The following EPHA5 variants were observed in gnomAD, a reference collection of about 807,000 sequenced individuals.
EPHA5 encodes the protein EPH receptor A5.
A neutral mutation model predicts 105.0 loss-of-function variants in EPHA5; 60 were observed. The ratio of observed to expected loss-of-function variants is 0.57; its 90% CI spans 0.46 to 0.71. The LOEUF is 0.71. Among genes scored for constraint, EPHA5 ranks in the 30% least tolerant of loss-of-function variants. The probability of loss-of-function intolerance (pLI) is 0.00; values close to 1 mark genes in which losing one functional copy is unlikely to be tolerated. For synonymous variants in EPHA5, 513 were observed against 449.1 expected, an observed-to-expected ratio of 1.14 and a Z score of -1.80; for missense variants, 1,218 against 1,274.7, an observed-to-expected ratio of 0.96 and a Z score of 0.68.
chr4:65,628,715 ATGGTTATGTC>A (rs1746365483), intron 2 of EPHA5, among the ~76,000 whole-genome samples: 1 of 152,160 alleles, frequency 6.6e-6, no homozygotes, highest in Admixed American at 6.5e-5. Flanking sequence ...GATTATACTC[ATGGTTATGTC>A]TTTAACTGTG....
chr4:65,518,028 T>C (rs1359515672), intron 3 of EPHA5, among the ~76,000 whole-genome samples: 1 of 151,926 alleles, frequency 6.6e-6, no homozygotes, highest in Non-Finnish European at 1.5e-5. Context: ...TCTTACAAAG[T>C]TAAGTGATAG....
chr4:65,592,281 A>C (rs1328215759), intron 3 of EPHA5, among the ~76,000 whole-genome samples: 3 of 152,172 alleles, frequency 2.0e-5, no homozygotes, highest in African/African-American at 7.2e-5. Context: ...CACACAGGGC[A>C]GAAACAAAGG....
rs575423701 is a variant in EPHA5, at chr4:65,612,054, A to C, written c.247-9750T>G. On this transcript the variant is annotated intron_variant, in intron 2 of 16. Transcript: ENST00000613740. ...AAAAAAAAAAAGGAAAGAAAAGAAA[A>C]GAAAAGAAAAGAAAAGAAATTGAGG... Among the ~76,000 whole-genome samples the C allele has an allele frequency of 4.0e-4, 61 of 150,818 alleles. 1 individual carries two copies. The South Asian group carries it at 8.6e-3, about 21-fold the overall frequency.
rs112273225 is a variant in EPHA5, at chr4:65,399,063, C to G, written c.1793+5311G>C. ...TGAGAAGGAGAGAAGAGTGGCAACCCTTTGGGGAGCCCAGACCTATGGGTG... is the reference window on the plus strand; with the variant it reads ...TGAGAAGGAGAGAAGAGTGGCAACCGTTTGGGGAGCCCAGACCTATGGGTG... On this transcript the variant is annotated intron_variant, in intron 8 of 16. Coordinates refer to ENST00000613740, the MANE Select transcript of EPHA5 (RefSeq NM_001281766.3). 1.3e-3 allele frequency among the ~76,000 whole-genome samples: 197 copies of G among 152,274 alleles called. 1 individual carries two copies. The highest frequency in any genetic ancestry group is 4.5e-3 in the African/African-American group (186 of 41,556).
intron 6 of EPHA5, among the ~76,000 whole-genome samples, chr4:65,418,015 T>C (rs1285657446): frequency 6.6e-6 from 1 of 152,160 alleles, no homozygotes; most frequent in African/African-American, 2.4e-5. Flanking sequence ...GATTCAGAGA[T>C]AAAAGAAAAT....
chr4:65,348,663 T>G (rs1375787328), intron 13 of EPHA5, among the ~76,000 whole-genome samples: 15 of 6,114 alleles, frequency 2.5e-3, no homozygotes, highest in African/African-American at 3.2e-3. Context: ...ATTGGAGATA[T>G]ATATATATAT....
At chr4:65,645,267 C>T (rs1330770015) in intron 1 of EPHA5, among the ~76,000 whole-genome samples, 1 of 152,010 alleles carries the variant, frequency 6.6e-6, no homozygotes, top group African/African-American at 2.4e-5. Flanking sequence ...GACTAAATAC[C>T]AAGGGGTTGC....
chr4:65,553,795 T>C (rs1400979470), intron 3 of EPHA5, among the ~76,000 whole-genome samples: 5 of 152,050 alleles, frequency 3.3e-5, no homozygotes, highest in African/African-American at 1.2e-4. Flanking sequence ...AAATTATATA[T>C]GGAGAGAGTC....
chr4:65,456,322 A>AT (rs201174135), intron 5 of EPHA5, among the ~76,000 whole-genome samples: 1,591 of 147,674 alleles, frequency 0.011, 24 homozygotes, highest in African/African-American at 0.032. Context: ...CTGTTCTTCG[A>AT]TTTTTTTTTT....
intron 8 of EPHA5, among the ~76,000 whole-genome samples, chr4:65,389,516 A>G (rs1441451731): frequency 6.6e-6 from 1 of 152,060 alleles, no homozygotes; most frequent in Admixed American, 6.6e-5. Context: ...AATGTATTAA[A>G]CAATTGAATT....
At chr4:65,623,185 A>G (rs1410980732) in intron 2 of EPHA5, among the ~76,000 whole-genome samples, 1 of 152,056 alleles carries the variant, frequency 6.6e-6, no homozygotes, top group African/African-American at 2.4e-5. Context: ...TAAATCTCAC[A>G]AAAGGCTGTC....
intron 5 of EPHA5, among the ~76,000 whole-genome samples, chr4:65,486,360 T>A (rs1194766337): frequency 6.7e-6 from 1 of 149,090 alleles, no homozygotes; most frequent in Non-Finnish European, 1.5e-5. Context: ...GGATACCACA[T>A]CCAAGTGCGT....
intron 5 of EPHA5, among the ~76,000 whole-genome samples, chr4:65,448,403 T>A (rs545749119): frequency 2.0e-5 from 3 of 152,312 alleles, no homozygotes; most frequent in East Asian, 3.9e-4. Flanking sequence ...ATCCCAGCAC[T>A]TTGTGAGGCC....
At chr4:65,541,669 A>T (rs1276435996) in intron 3 of EPHA5, among the ~76,000 whole-genome samples, 1 of 151,960 alleles carries the variant, frequency 6.6e-6, no homozygotes, top group East Asian at 1.9e-4. Flanking sequence ...CTAACACCCC[A>T]CTGTCAGTAT....
At chr4:65,454,280 C>CTAA (rs201886938) in intron 5 of EPHA5, among the ~76,000 whole-genome samples, 1 of 151,032 alleles carries the variant, frequency 6.6e-6, no homozygotes, top group African/African-American at 2.4e-5. Flanking sequence ...AACTCCATCT[C>CTAA]TAATAATAAT....
chr4:65,412,551 A>T (rs1488823310), intron 7 of EPHA5, among the ~76,000 whole-genome samples: 2 of 152,102 alleles, frequency 1.3e-5, no homozygotes, highest in African/African-American at 2.4e-5. Context: ...AGAAAATAAG[A>T]TTTTACTCGT....
At chr4:65,538,471 C>T (rs985092121) in intron 3 of EPHA5, among the ~76,000 whole-genome samples, 6 of 151,870 alleles carry the variant, frequency 4.0e-5, no homozygotes, top group African/African-American at 1.4e-4. Flanking sequence ...TTCCAAAAGT[C>T]ATCGTGCCTT....
chr4:65,455,933 A>C (rs1727540412), intron 5 of EPHA5, among the ~76,000 whole-genome samples: 1 of 152,354 alleles, frequency 6.6e-6, no homozygotes, highest in African/African-American at 2.4e-5. Context: ...CTCGTTTCTT[A>C]CACATTTTAT....
chr4:65,533,392 T>A (rs1036034488), intron 3 of EPHA5, among the ~76,000 whole-genome samples: 1 of 152,164 alleles, frequency 6.6e-6, no homozygotes, highest in African/African-American at 2.4e-5. Flanking sequence ...CTTATTTTAA[T>A]ATTTAGAAAC....
Sources: allele counts gnomAD v4.1 joint callset (sites outside exome capture counted in the v4.1 genomes callset), GRCh38; gene constraint gnomAD v4.1.1; transcripts MANE v1.5; gene names NCBI Gene and HGNC (gene_info 2026-07-23, HGNC 2026-07-21).